Variants in HDAC9 observed in about 807,000 individuals in gnomAD.
HDAC9 encodes MEF-2 interacting transcription repressor (MITR) protein.
Under a neutral mutation model 139.4 loss-of-function variants are expected in HDAC9, and 41 were observed. The observed-to-expected ratio is 0.29, with a 90% CI of 0.23 to 0.38. The LOEUF (loss-of-function observed/expected upper bound fraction) is 0.38. HDAC9 is among the 10% of genes least tolerant of loss of function. HDAC9 has a pLI of 1.00. For missense variants in HDAC9, 1,147 were observed against 1,297.0 expected (o/e 0.88, Z 1.78); for synonymous variants, 517 against 476.2 (o/e 1.09, Z -1.12).
intron 22 of HDAC9, among the ~76,000 whole-genome samples, chr7:18,928,313 G>T (rs1427478913): frequency 6.6e-6 from 1 of 152,128 alleles, no homozygotes; most frequent in East Asian, 1.9e-4. Flanking sequence ...TTCAAAATAG[G>T]CATTGCTAAA....
chr7:18,176,313 A>C (rs1788898660), intron 2 of HDAC9, among the ~76,000 whole-genome samples: 1 of 152,198 alleles, frequency 6.6e-6, no homozygotes, highest in African/African-American at 2.4e-5. Flanking sequence ...ACAAATGGGA[A>C]AAGCCAGACT....
chr7:18,510,706 T>G (rs1355422669), intron 2 of HDAC9, among the ~76,000 whole-genome samples: 1 of 152,178 alleles, frequency 6.6e-6, no homozygotes, highest in Non-Finnish European at 1.5e-5. Context: ...ATCAGTAATT[T>G]GAAAAATTAT....
At chr7:18,642,470 G>T (rs561596311) in intron 8 of HDAC9, among the ~76,000 whole-genome samples, 1 of 152,222 alleles carries the variant, frequency 6.6e-6, no homozygotes, top group South Asian at 2.1e-4. Flanking sequence ...AGGTTTTGTT[G>T]CTGGTCCCAC....
At chr7:18,889,943 G>C (rs571707802) in intron 22 of HDAC9, among the ~76,000 whole-genome samples, 1 of 152,278 alleles carries the variant, frequency 6.6e-6, no homozygotes, top group Admixed American at 6.5e-5. Context: ...GTGCTCAAGT[G>C]AGCCTCTTAG....
Position 18,100,574 on chromosome 7 carries a change from A to G in HDAC9, c.-97+13361A>G, listed in dbSNP as rs191137070. On this transcript the variant is annotated intron_variant, in intron 1 of 12. Coordinates refer to the HDAC9 transcript ENST00000417496. ...TCATATTTAGTGTGTTCTCCATCTC[A>G]CACATTGTAGTTTTCATCTCTTGAA... Among the ~76,000 whole-genome samples the G allele has an allele frequency of 9.3e-4, 142 of 152,238 alleles. 1 individual carries two copies. Among genetic ancestry groups the G allele is most frequent in the African/African-American group, 3.3e-3 (136 of 41,536 alleles).
intron 8 of HDAC9, among the ~76,000 whole-genome samples, chr7:18,643,964 A>G (rs1442436588): frequency 6.6e-6 from 1 of 151,954 alleles, no homozygotes; most frequent in East Asian, 1.9e-4. Context: ...ATTAGGCCAC[A>G]TGTGGGAAAA....
intron 25 of HDAC9, among the ~76,000 whole-genome samples, chr7:18,986,993 T>G (rs1443123043): frequency 6.6e-6 from 1 of 152,218 alleles, no homozygotes; most frequent in Non-Finnish European, 1.5e-5. Context: ...TTTCTAGATA[T>G]ACAATCATGT....
At chr7:18,813,139 T>C (rs1361454377) in intron 17 of HDAC9, among the ~76,000 whole-genome samples, 1 of 152,110 alleles carries the variant, frequency 6.6e-6, no homozygotes, top group Non-Finnish European at 1.5e-5. Context: ...GTTTCTATTA[T>C]CTTATTTTTC....
chr7:18,094,833 A>T (rs908553525), intron 1 of HDAC9, among the ~76,000 whole-genome samples: 1 of 152,142 alleles, frequency 6.6e-6, no homozygotes, highest in Non-Finnish European at 1.5e-5. Context: ...ACTTGGAGCT[A>T]GCAAGTGGCT....
At chr7:18,130,059 A>G (rs1360055326) in intron 1 of HDAC9, among the ~76,000 whole-genome samples, 1 of 152,148 alleles carries the variant, frequency 6.6e-6, no homozygotes, top group East Asian at 1.9e-4. Flanking sequence ...GACATGTTAC[A>G]TGGTACATAC....
intron 25 of HDAC9, among the ~76,000 whole-genome samples, chr7:18,978,537 C>G (rs1784695156): frequency 6.6e-6 from 1 of 152,046 alleles, no homozygotes; most frequent in Admixed American, 6.6e-5. Context: ...ATAACACATA[C>G]TTTTCTGGGG....
At chr7:18,615,664 A>G (rs1305663832) in intron 6 of HDAC9, among the ~76,000 whole-genome samples, 1 of 152,188 alleles carries the variant, frequency 6.6e-6, no homozygotes, top group East Asian at 1.9e-4. Context: ...GTGTGATCAT[A>G]TATCATTAAT....
At chr7:18,236,541 A>G (rs1402294517) in intron 2 of HDAC9, among the ~76,000 whole-genome samples, 1 of 152,180 alleles carries the variant, frequency 6.6e-6, no homozygotes, top group Admixed American at 6.5e-5. Flanking sequence ...AGTTCAGTTT[A>G]CGGAAATTAA....
chr7:18,470,787 G>A (rs1352283336), intron 1 of HDAC9, among the ~76,000 whole-genome samples: 1 of 152,130 alleles, frequency 6.6e-6, no homozygotes, highest in East Asian at 1.9e-4. Flanking sequence ...CATTAAAAAT[G>A]CAAAGACCAA....
At chr7:18,338,260 A>G (rs1356168982) in intron 1 of HDAC9, among the ~76,000 whole-genome samples, 1 of 151,710 alleles carries the variant, frequency 6.6e-6, no homozygotes, top group African/African-American at 2.4e-5. Context: ...AGTGGGTGGT[A>G]AAGTACCATT....
intron 22 of HDAC9, among the ~76,000 whole-genome samples, chr7:18,927,110 T>C (rs1207830000): frequency 1.3e-5 from 2 of 152,160 alleles, no homozygotes; most frequent in Non-Finnish European, 2.9e-5. Flanking sequence ...ATAATATATA[T>C]CTTTACCCGT....
chr7:18,143,256 A>G (rs1399499136), intron 1 of HDAC9, among the ~76,000 whole-genome samples: 1 of 152,216 alleles, frequency 6.6e-6, no homozygotes, highest in Non-Finnish European at 1.5e-5. Context: ...CTGGAAGAAC[A>G]TTCTTCAAAG....
rs566783237 is a variant in HDAC9, at chr7:18,415,775, T to A, written c.-41-80487T>A. Reference sequence around the variant, plus strand: ...TTTAGAGATCATTTAAACATTTTAATTCTGAAATAACTGAGTATCTATATA... The same window carrying A: ...TTTAGAGATCATTTAAACATTTTAAATCTGAAATAACTGAGTATCTATATA... On this transcript the variant is annotated intron_variant, in intron 1 of 3. Coordinates refer to the HDAC9 transcript ENST00000413509. 3.2e-4 allele frequency among the ~76,000 whole-genome samples: 49 copies of A among 152,330 alleles called. No individual in the cohort carries two copies. In the East Asian group the frequency reaches 8.9e-3, roughly 28 times the overall value.
chr7:18,845,327 A>T (rs543995563), intron 21 of HDAC9, among the ~76,000 whole-genome samples: 1 of 152,298 alleles, frequency 6.6e-6, no homozygotes, highest in Non-Finnish European at 1.5e-5. Context: ...AGGTCTCTAA[A>T]CATACTTTAG....
Sources: gnomAD v4.1 joint callset for allele counts (sites outside exome capture counted in the v4.1 genomes callset) on GRCh38, gnomAD v4.1.1 for gene constraint, MANE v1.5 for transcripts, NCBI Gene and HGNC (gene_info 2026-07-23, HGNC 2026-07-21) for gene names.